Variants in SPAG11A observed in about 807,000 individuals in gnomAD.
SPAG11A encodes sperm associated antigen 11A, also known as sperm-associated antigen 11A.
In SPAG11A, 2 loss-of-function variants were observed where a neutral mutation model predicts 5.5. The ratio of observed to expected loss-of-function variants is 0.37; its 90% CI spans 0.15 to 1.15. The LOEUF (loss-of-function observed/expected upper bound fraction) is 1.15, where lower values mean the gene tolerates loss of function less well. SPAG11A is among the 50% of genes most tolerant of loss of function. The pLI, the probability that SPAG11A is intolerant of heterozygous loss-of-function variation, is 0.38. For missense variants in SPAG11A, 24 were observed against 122.5 expected (o/e 0.20, Z 3.80); for synonymous variants, 11 against 42.7 (o/e 0.26, Z 2.90).
intron 2 of SPAG11A, among the ~76,000 whole-genome samples, chr8:7,852,947 C>G: frequency 3.5e-5 from 1 of 28,874 alleles, no homozygotes; most frequent in Admixed American, 3.6e-4. Flanking sequence ...GCAAATAGTC[C>G]CTTTCTTTCT....
At chr8:7,857,936 C>T (rs1411264027) in intron 2 of SPAG11A, among the ~76,000 whole-genome samples, 6 of 94,840 alleles carry the variant, frequency 6.3e-5, no homozygotes, top group Admixed American at 2.2e-4. Flanking sequence ...GGTTAAATAA[C>T]GCAGAAGACA....
downstream of SPAG11A, among the ~76,000 whole-genome samples, chr8:7,861,752 G>A (rs1818225944): frequency 7.5e-6 from 1 of 132,998 alleles, no homozygotes; most frequent in East Asian, 2.8e-4. Context: ...CTGTGTTCCT[G>A]TTTCTGTCGC....
downstream of SPAG11A, chr8:7,863,434 G>A: frequency 6.5e-7 from 1 of 1,545,820 alleles, no homozygotes; most frequent in South Asian, 1.1e-5. Context: ...AATGAATTAA[G>A]TTCAGACTGA....
At chr8:7,860,588 T>A in intron 2 of SPAG11A, 58 bp from the exon 3 acceptor site, 1 of 1,388,974 alleles carries the variant, frequency 7.2e-7, no homozygotes, top group Middle Eastern at 1.9e-4. Flanking sequence ...GCTGGGTTCA[T>A]CTTCTATTCT....
chr8:7,862,737 C>CGGAAGGGAAGGGAAGGGAAG (rs1190649883), downstream of SPAG11A, among the ~76,000 whole-genome samples: 1 of 119,946 alleles, frequency 8.3e-6, no homozygotes. Context: ...GAAGCAAACA[C>CGGAAGGGAAGGGAAGGGAAG]GGAAGGGAAG....
chr8:7,852,533 A>C (rs1183799911), intron 2 of SPAG11A, among the ~76,000 whole-genome samples: 1 of 152,124 alleles, frequency 6.6e-6, no homozygotes, highest in Non-Finnish European at 1.5e-5. Flanking sequence ...GGGTTTCTCC[A>C]TGTTGATCAG....
At chr8:7,852,222 A>G (rs1172936856) in intron 2 of SPAG11A, among the ~76,000 whole-genome samples, 97 of 151,486 alleles carry the variant, frequency 6.4e-4, no homozygotes, top group African/African-American at 1.2e-4. Context: ...ACCCTTGATT[A>G]CTGTGTAGTT....
downstream of SPAG11A, among the ~76,000 whole-genome samples, chr8:7,861,500 CT>C (rs1818213599): frequency 6.9e-6 from 1 of 145,964 alleles, no homozygotes; most frequent in African/African-American, 2.5e-5. Context: ...TATGATCCTT[CT>C]AAAAAACATA....
downstream of SPAG11A, among the ~76,000 whole-genome samples, chr8:7,861,569 G>T (rs1382166858): frequency 7.0e-6 from 1 of 143,434 alleles, no homozygotes; most frequent in African/African-American, 2.5e-5. Context: ...TGAATGCTTA[G>T]CTGCCTTTTG....
intron 1 of SPAG11A, among the ~76,000 whole-genome samples, chr8:7,848,452 TCA>T (rs1817849979): frequency 1.4e-5 from 2 of 142,462 alleles, no homozygotes; most frequent in African/African-American, 5.1e-5. Context: ...GAGGAGGTGC[TCA>T]GACTCACCAT....
At chr8:7,863,449 G>A (rs1461697397), downstream of SPAG11A, 1 of 1,563,882 alleles carries the variant, frequency 6.4e-7, no homozygotes, top group Non-Finnish European at 8.8e-7. Context: ...GACTGAATCA[G>A]CAGGGATATT....
At chr8:7,862,138 G>A (rs1203629193), downstream of SPAG11A, among the ~76,000 whole-genome samples, 1 of 107,930 alleles carries the variant, frequency 9.3e-6, no homozygotes, top group African/African-American at 2.9e-5. Context: ...AGAACTGGCA[G>A]ACACGTTCTC....
exon 3 of SPAG11A, chr8:7,860,682 G>C: frequency 6.6e-7 from 1 of 1,521,454 alleles, no homozygotes; most frequent in Non-Finnish European, 8.8e-7. Flanking sequence ...ACCATCTGCC[G>C]TATGCAGCAA....
At chr8:7,852,507 A>G (rs1817966614) in intron 2 of SPAG11A, among the ~76,000 whole-genome samples, 1 of 152,142 alleles carries the variant, frequency 6.6e-6, no homozygotes, top group African/African-American at 2.4e-5. Context: ...CTAATTTTGT[A>G]TTTTTAGTAG....
intron 2 of SPAG11A, chr8:7,860,290 G>A: frequency 7.2e-7 from 1 of 1,391,884 alleles, no homozygotes; most frequent in Non-Finnish European, 9.7e-7. Flanking sequence ...TAGAGACCAA[G>A]ACCTGTCCTA....
chr8:7,861,038 T>G, downstream of SPAG11A: 8 of 404,926 alleles, frequency 2.0e-5, 1 homozygote, highest in Non-Finnish European at 3.2e-5. Context: ...TATTCCACTT[T>G]CCTTTCCTAG....
chr8:7,852,716 C>G (rs1393674534), intron 2 of SPAG11A, among the ~76,000 whole-genome samples: 5 of 149,240 alleles, frequency 3.4e-5, no homozygotes, highest in African/African-American at 9.8e-5. Context: ...AATTATCTTC[C>G]CTTTCTCTGG....
chr8:7,852,485 C>G (rs1425836064), intron 2 of SPAG11A, among the ~76,000 whole-genome samples: 2 of 152,166 alleles, frequency 1.3e-5, no homozygotes, highest in South Asian at 4.1e-4. Context: ...AGGTGTCCAC[C>G]ACCATGCCTG....
exon 3 of SPAG11A, chr8:7,860,667 G>C (rs775284324): frequency 6.6e-7 from 1 of 1,519,534 alleles, no homozygotes; most frequent in Non-Finnish European, 8.8e-7. Context: ...CTGGGAATTA[G>C]AAATACCATC....
Sources: gnomAD v4.1 joint callset for allele counts (sites outside exome capture counted in the v4.1 genomes callset) on GRCh38, gnomAD v4.1.1 for gene constraint, MANE v1.5 for transcripts, NCBI Gene and HGNC (gene_info 2026-07-23, HGNC 2026-07-21) for gene names.